The following MACF1 variants were observed in gnomAD, a reference collection of about 807,000 sequenced individuals.
MACF1 encodes the protein microtubule-actin cross-linking factor 1.
MACF1 carries 193 observed loss-of-function variants against 854.8 expected under a neutral mutation model. That is an observed-to-expected ratio of 0.23 (90% CI 0.20 to 0.25). MACF1 has a LOEUF of 0.25. MACF1 is among the 10% of genes least tolerant of loss of function. The pLI is 1.00. For missense variants in MACF1, 7,722 were observed against 8,929.1 expected, an observed-to-expected ratio of 0.86 and a Z score of 5.45; for synonymous variants, 3,185 against 3,226.7, an observed-to-expected ratio of 0.99 and a Z score of 0.44.
At chr1:39,221,282 A>T (rs1241396188) in intron 1 of MACF1, among the ~76,000 whole-genome samples, 1 of 152,184 alleles carries the variant, frequency 6.6e-6, no homozygotes, top group Non-Finnish European at 1.5e-5. Flanking sequence ...TCTAAAACTA[A>T]AGTGATCAAA....
chr1:39,402,076 G>A (rs1028238071), intron 58 of MACF1, among the ~76,000 whole-genome samples: 1 of 108,396 alleles, frequency 9.2e-6, no homozygotes, highest in Admixed American at 9.9e-5. Flanking sequence ...GCCAGGCTTG[G>A]TGGTGGGTGC....
intron 22 of MACF1, among the ~76,000 whole-genome samples, chr1:39,301,283 T>G (rs1176445061): frequency 6.8e-6 from 1 of 146,594 alleles, no homozygotes; most frequent in African/African-American, 2.5e-5. Context: ...CCCGCCACCA[T>G]GCCCGCCTAA....
intron 2 of MACF1, among the ~76,000 whole-genome samples, chr1:39,123,581 C>T (rs1197824547): frequency 1.3e-5 from 2 of 151,712 alleles, no homozygotes; most frequent in South Asian, 2.1e-4. Flanking sequence ...CTCTGTCACC[C>T]AGCCTGGAGT....
At chr1:39,087,525 A>G (rs1484624365) in intron 2 of MACF1, among the ~76,000 whole-genome samples, 2 of 152,112 alleles carry the variant, frequency 1.3e-5, no homozygotes, top group East Asian at 3.8e-4. Context: ...CTTTCCCTAC[A>G]TTTGTTTCTC....
chr1:39,244,109 A>C (rs1352660818), intron 2 of MACF1, among the ~76,000 whole-genome samples: 1 of 151,322 alleles, frequency 6.6e-6, no homozygotes, highest in Non-Finnish European at 1.5e-5. Context: ...TTTTATTAAA[A>C]ATTTTTTTTG....
chr1:39,289,570 C>T (rs1377538839), intron 15 of MACF1, among the ~76,000 whole-genome samples: 1 of 151,784 alleles, frequency 6.6e-6, no homozygotes, highest in Non-Finnish European at 1.5e-5. Flanking sequence ...ATCTTTTACT[C>T]ATTTTTAATT....
intron 2 of MACF1, among the ~76,000 whole-genome samples, chr1:39,148,544 A>C (rs1304264070): frequency 2.0e-5 from 3 of 152,202 alleles, no homozygotes. Context: ...CATGCAATAC[A>C]TATTTGGAAA....
rs1643930936 is a variant in MACF1, at chr1:39,434,515, T to G, written c.17667T>G (p.Phe5889Leu). 1.9e-6 allele frequency: 3 copies of G among 1,613,978 alleles called. No homozygotes were observed. In the South Asian group the frequency reaches 3.3e-5, roughly 18 times the overall value. ...LERAQVLVNQ[F>L]WETYEELSPW... ...GGGCCCAGGTCTTAGTAAACCAGTT[T>G]TGGGAAACTTATGAAGAGCTCAGCC... The change falls in exon 69 of 101, where the codon TTT becomes TTG. Residue 5889 changes from phenylalanine to leucine, a missense_variant. Phe to Leu is a conservative substitution (Grantham distance 22). Around this residue, in one of 15 missense-constraint regions of MACF1, gnomAD observed 2,807 missense variants for 3,235.8 expected, o/e 0.87. Coordinates refer to ENST00000564288, the MANE Select transcript of MACF1 (RefSeq NM_001394062.1).
At chr1:39,396,349 A>C (rs966272652) in intron 58 of MACF1, among the ~76,000 whole-genome samples, 2 of 151,878 alleles carry the variant, frequency 1.3e-5, no homozygotes, top group Non-Finnish European at 2.9e-5. Context: ...ACAAACAAAT[A>C]TATCTGTAAC....
chr1:39,336,928 A>C (rs1051920115), intron 37 of MACF1, among the ~76,000 whole-genome samples: 4 of 152,230 alleles, frequency 2.6e-5, no homozygotes, highest in Non-Finnish European at 5.9e-5. Flanking sequence ...GCTACCTGAA[A>C]TCAGAATAGC....
rs769448664 is a variant in MACF1 at position 39,461,950 on chromosome 1, C to T, written c.21591C>T (p.Tyr7197=). 6 of 1,613,864 alleles carry T rather than the reference C, an allele frequency of 3.7e-6. No homozygotes were observed. The African/African-American group carries it at 6.7e-5, about 18-fold the overall frequency. The stretch of plus-strand genomic sequence containing the variant: ...TTTTCGACCGAGATGGGGATGGTTA[C>T]ATTGATTATTATGAATTTGTGGCTG... ...ADIFDRDGDG[Y]IDYYEFVAAL... Residue 7197 remains tyrosine (Y), a synonymous_variant, in exon 93 of 101, where the codon TAC becomes TAT. Coordinates refer to ENST00000564288, the MANE Select transcript of MACF1 (RefSeq NM_001394062.1).
At chr1:39,411,509 C>T (rs746562316) in intron 58 of MACF1, 3 of 1,613,350 alleles carry the variant, frequency 1.9e-6, no homozygotes, top group African/African-American at 1.3e-5. Flanking sequence ...AAGGATATAC[C>T]CCTGGATTGC....
chr1:39,437,139 CT>C (rs1234093267), intron 70 of MACF1, among the ~76,000 whole-genome samples: 1 of 151,952 alleles, frequency 6.6e-6, no homozygotes, highest in Non-Finnish European at 1.5e-5. Context: ...AGTCTTGTCC[CT>C]TTTTTGTTAC....
At chr1:39,201,026 A>G (rs1326538646), upstream of MACF1, among the ~76,000 whole-genome samples, 3 of 152,194 alleles carry the variant, frequency 2.0e-5, no homozygotes, top group African/African-American at 7.2e-5. Context: ...CACAGCCACC[A>G]ATGAATCCCA....
intron 2 of MACF1, among the ~76,000 whole-genome samples, chr1:39,125,863 T>C (rs1642846650): frequency 1.3e-5 from 2 of 152,078 alleles, no homozygotes; most frequent in Admixed American, 1.3e-4. Context: ...CGTGGTGGCA[T>C]GCGCCTGTAA....
At position 39,351,032 on chromosome 1, in the gene MACF1, A is replaced by G. The variant is rs773925880; in HGVS notation, c.11199+14A>G. On this transcript the variant is annotated intron_variant, in intron 43 of 100. Coordinates refer to ENST00000564288, the MANE Select transcript of MACF1 (RefSeq NM_001394062.1). ...GAGACTGAAAAGGTAATAGACTGCT[A>G]TGACGCTTGATATTTTTCAAAAAAG... is the stretch of plus-strand genomic sequence containing the variant. The G allele has an allele frequency of 1.9e-6, 3 of 1,576,320 alleles. No homozygotes were observed. The highest frequency in any genetic ancestry group is 2.6e-6 in the Non-Finnish European group (3 of 1,158,474).
At position 39,319,681 on chromosome 1, in the gene MACF1, T is replaced by C. The variant is rs116588275; in HGVS notation, c.3963T>C (p.Ile1321=). ...CTTCCTAGGCCCTATTTGCAGAAAT[T>C]GAGAGAAATCAGACAAAACTGGATC... The part of the protein sequence containing the change: ...LSQQTALFAE[I]ERNQTKLDQC... The change falls in exon 31 of 101, where the codon ATT becomes ATC. Residue 1321 remains isoleucine, a synonymous_variant. Transcript: ENST00000564288. 1.7e-4 allele frequency: 272 copies of C among 1,613,450 alleles called. 1 individual carries two copies. The African/African-American group carries it at 2.9e-3, about 17-fold the overall frequency.
rs186354181 is a variant in MACF1 at position 39,233,360 on chromosome 1, C to A, written c.171+2117C>A. Among the ~76,000 whole-genome samples, 305 of 152,212 alleles carry A rather than the reference C, an allele frequency of 2.0e-3. 2 individuals carry two copies. The highest frequency in any genetic ancestry group is 7.1e-3 in the African/African-American group (295 of 41,554). On this transcript the variant is annotated intron_variant, in intron 2 of 100. Transcript: ENST00000564288. The stretch of plus-strand genomic sequence containing the variant: ...ACCCAGGTCTTTCTTGTTTATGGGG[C>A]CTTGTGTTCTTTCATTTTACTTCTG...
chr1:39,102,676 C>G (rs898787426), intron 2 of MACF1: 1 of 678,056 alleles, frequency 1.5e-6, no homozygotes, highest in Non-Finnish European at 2.7e-6. Context: ...GCATTAATTT[C>G]CTTGTATTAC....
Sources: allele counts gnomAD v4.1 joint callset (sites outside exome capture counted in the v4.1 genomes callset), GRCh38; gene constraint gnomAD v4.1.1; regional missense constraint gnomAD v4.1.1; transcripts MANE v1.5; gene names NCBI Gene and HGNC (gene_info 2026-07-23, HGNC 2026-07-21).